The following PLCB1 variants were observed in gnomAD, a reference collection of about 807,000 sequenced individuals.
PLCB1 encodes the protein 1-phosphatidylinositol 4,5-bisphosphate phosphodiesterase beta-1.
Under a neutral mutation model 161.8 loss-of-function variants are expected in PLCB1, and 46 were observed. The observed-to-expected ratio is 0.28, with a 90% CI of 0.22 to 0.36. PLCB1 has a LOEUF of 0.36. Among genes scored for constraint, PLCB1 ranks in the 10% least tolerant of loss-of-function variants. PLCB1 has a pLI of 1.00. For synonymous variants in PLCB1, 517 were observed against 503.7 expected, an observed-to-expected ratio of 1.03 and a Z score of -0.35; for missense variants, 1,016 against 1,472.5, an observed-to-expected ratio of 0.69 and a Z score of 5.07.
At chr20:8,195,711 A>G (rs2052016329) in intron 2 of PLCB1, among the ~76,000 whole-genome samples, 1 of 152,120 alleles carries the variant, frequency 6.6e-6, no homozygotes, top group Admixed American at 6.6e-5. Flanking sequence ...GTCTTCTGAA[A>G]TCTGTGACAG....
intron 3 of PLCB1, among the ~76,000 whole-genome samples, chr20:8,551,648 C>T (rs1254344925): frequency 6.6e-6 from 1 of 152,144 alleles, no homozygotes; most frequent in Non-Finnish European, 1.5e-5. Flanking sequence ...GACAGATCCT[C>T]AGTTGTGTCA....
chr20:8,690,146 TG>T (rs1479933873), intron 10 of PLCB1, among the ~76,000 whole-genome samples: 4 of 55,772 alleles, frequency 7.2e-5, no homozygotes, highest in African/African-American at 1.2e-4. Context: ...TTGTTTTTGC[TG>T]TTGTTTTTTT....
chr20:8,699,659 A>G (rs1461855294), intron 11 of PLCB1, among the ~76,000 whole-genome samples: 2 of 152,212 alleles, frequency 1.3e-5, no homozygotes, highest in African/African-American at 2.4e-5. Flanking sequence ...AGGGACAGCC[A>G]AGTTTCTGTT....
intron 31 of PLCB1, among the ~76,000 whole-genome samples, chr20:8,838,348 C>G (rs1469557860): frequency 6.6e-6 from 1 of 152,198 alleles, no homozygotes; most frequent in Non-Finnish European, 1.5e-5. Context: ...ACCACTGGCT[C>G]TGAACTGACA....
chr20:8,372,911 C>G (rs920372338), intron 3 of PLCB1, among the ~76,000 whole-genome samples: 1 of 152,136 alleles, frequency 6.6e-6, no homozygotes, highest in South Asian at 2.1e-4. Flanking sequence ...CTGTTTGTCC[C>G]CAGGCATTGG....
intron 23 of PLCB1, among the ~76,000 whole-genome samples, chr20:8,749,407 T>A (rs1201424786): frequency 6.6e-6 from 1 of 152,218 alleles, no homozygotes; most frequent in African/African-American, 2.4e-5. Context: ...AGGAGACACT[T>A]TTCCTGGGAA....
chr20:8,876,908 A>G (rs1162750995), intron 31 of PLCB1, among the ~76,000 whole-genome samples: 1 of 152,166 alleles, frequency 6.6e-6, no homozygotes, highest in Non-Finnish European at 1.5e-5. Flanking sequence ...AGAACAGCAT[A>G]TACTTTTGAC....
chr20:8,339,635 T>A (rs938519775), intron 2 of PLCB1, among the ~76,000 whole-genome samples: 3 of 152,222 alleles, frequency 2.0e-5, no homozygotes, highest in Admixed American at 6.5e-5. Context: ...TGTGTATTCA[T>A]ACAGCTTCAC....
At position 8,204,246 on chromosome 20, in the gene PLCB1, C is replaced by T. The variant is rs1200093428; in HGVS notation, c.177+53875C>T. Reference sequence around the variant, plus strand: ...TGGAAATAATTTGTTAAATTATTAACAACTAAATAATTGGAGTTGGAGGAT... The same window carrying T: ...TGGAAATAATTTGTTAAATTATTAATAACTAAATAATTGGAGTTGGAGGAT... On this transcript the variant is annotated intron_variant, in intron 2 of 31. Transcript: ENST00000338037. Among the ~76,000 whole-genome samples the T allele has an allele frequency of 1.3e-5, 2 of 152,046 alleles. 1 individual carries two copies. The highest frequency in any genetic ancestry group is 2.9e-5 in the Non-Finnish European group (2 of 68,018).
At chr20:8,628,560 C>A in intron 4 of PLCB1, 129 bp downstream of exon 4, 1 of 884,330 alleles carries the variant, frequency 1.1e-6, no homozygotes, top group Non-Finnish European at 1.8e-6. Context: ...AAAAATAATT[C>A]AGCTGCCAAG....
In PLCB1 at chr20:8,521,006, T is replaced by C. The variant is rs138052028; in HGVS notation, c.247-107288T>C. 6.6e-5 allele frequency among the ~76,000 whole-genome samples: 10 copies of C among 152,242 alleles called. No individual in the cohort carries two copies. In the East Asian group the frequency reaches 1.7e-3, roughly 26 times the overall value. On this transcript the variant is annotated intron_variant, in intron 3 of 31. Transcript: ENST00000338037. ...GAAAACTATCCTAAGACAAATTAAATATAGAAATAAAATCACAGGCAATAG... is the reference window on the plus strand; with the variant it reads ...GAAAACTATCCTAAGACAAATTAAACATAGAAATAAAATCACAGGCAATAG...
At chr20:8,389,041 A>G (rs1291740808) in intron 3 of PLCB1, among the ~76,000 whole-genome samples, 1 of 152,208 alleles carries the variant, frequency 6.6e-6, no homozygotes, top group Non-Finnish European at 1.5e-5. Flanking sequence ...TGGCCATTCA[A>G]TAGTGCACAA....
intron 3 of PLCB1, among the ~76,000 whole-genome samples, chr20:8,496,257 C>T (rs1983164179): frequency 2.0e-5 from 3 of 151,250 alleles, no homozygotes; most frequent in Admixed American, 6.6e-5. Context: ...CTTCGGGAGG[C>T]CGAGGTGGGT....
intron 2 of PLCB1, among the ~76,000 whole-genome samples, chr20:8,262,895 C>T (rs185066251): frequency 1.8e-4 from 27 of 152,244 alleles, no homozygotes; most frequent in Non-Finnish European, 3.2e-4. Context: ...TCGTCTTCCT[C>T]TTTTTACAAG....
chr20:8,209,130 C>G (rs6108119), intron 2 of PLCB1, among the ~76,000 whole-genome samples: 2 of 151,844 alleles, frequency 1.3e-5, no homozygotes, highest in Admixed American at 1.3e-4. Context: ...AAGGGGTGGC[C>G]GTCCTGACCA....
At chr20:8,255,316 C>T (rs765013796) in intron 2 of PLCB1, among the ~76,000 whole-genome samples, 7 of 151,978 alleles carry the variant, frequency 4.6e-5, no homozygotes, top group Non-Finnish European at 8.8e-5. Context: ...CATATATATA[C>T]ATATACACAA....
chr20:8,516,841 C>T (rs73894576), intron 3 of PLCB1, among the ~76,000 whole-genome samples: 13,214 of 151,792 alleles, frequency 0.087, 635 homozygotes, highest in Middle Eastern at 0.12. Context: ...AGAAAACCAT[C>T]CATCAAAGAT....
chr20:8,167,587 T>A (rs1463455951), intron 2 of PLCB1, among the ~76,000 whole-genome samples: 1 of 152,212 alleles, frequency 6.6e-6, no homozygotes, highest in African/African-American at 2.4e-5. Context: ...CCACTAGTGA[T>A]TTAGTTCAGA....
At chr20:8,186,837 C>T (rs1374896281) in intron 2 of PLCB1, among the ~76,000 whole-genome samples, 1 of 152,156 alleles carries the variant, frequency 6.6e-6, no homozygotes, top group Non-Finnish European at 1.5e-5. Flanking sequence ...GTGTCCTGGA[C>T]TGGCATGAAG....
Sources: allele counts gnomAD v4.1 joint callset (sites outside exome capture counted in the v4.1 genomes callset), GRCh38; gene constraint gnomAD v4.1.1; transcripts MANE v1.5; gene names NCBI Gene and HGNC (gene_info 2026-07-23, HGNC 2026-07-21).